The following PHACTR1 variants were observed in gnomAD, a reference collection of about 807,000 sequenced individuals.
PHACTR1 encodes RPEL repeat containing 1.
A neutral mutation model predicts 69.2 loss-of-function variants in PHACTR1; 16 were observed. The ratio of observed to expected loss-of-function variants is 0.23; its 90% CI spans 0.16 to 0.35. The LOEUF is 0.35. Among genes scored for constraint, PHACTR1 ranks in the 10% least tolerant of loss-of-function variants. PHACTR1 has a pLI of 1.00. For missense variants in PHACTR1, 510 were observed against 734.7 expected (o/e 0.69, Z 3.54); for synonymous variants, 312 against 284.5 (o/e 1.10, Z -0.97).
At chr6:12,932,732 A>G (rs1789005824) in intron 4 of PHACTR1, among the ~76,000 whole-genome samples, 2 of 152,150 alleles carry the variant, frequency 1.3e-5, no homozygotes, top group Admixed American at 6.5e-5. Flanking sequence ...GCATTATCTC[A>G]TTAATCCATA....
At chr6:12,758,821 T>C (rs1298540490) in intron 4 of PHACTR1, among the ~76,000 whole-genome samples, 1 of 151,972 alleles carries the variant, frequency 6.6e-6, no homozygotes, top group Non-Finnish European at 1.5e-5. Context: ...CCTACCCTAG[T>C]ATTAAAAAAA....
chr6:12,767,511 AT>A (rs1396542104), intron 4 of PHACTR1, among the ~76,000 whole-genome samples: 1 of 151,602 alleles, frequency 6.6e-6, no homozygotes, highest in Non-Finnish European at 1.5e-5. Context: ...TGTAGATGAA[AT>A]GGGGGTTCCA....
intron 7 of PHACTR1, among the ~76,000 whole-genome samples, chr6:13,187,596 G>A (rs74349029): frequency 0.022 from 3,340 of 152,294 alleles, 116 homozygotes; most frequent in African/African-American, 0.073. Flanking sequence ...GTGATATGAT[G>A]AAAACTAGCC....
intron 4 of PHACTR1, among the ~76,000 whole-genome samples, chr6:13,002,382 G>C (rs1354648067): frequency 1.3e-5 from 2 of 151,622 alleles, no homozygotes; most frequent in Non-Finnish European, 2.9e-5. Context: ...TTTTATTTCA[G>C]TACTCTGCAT....
intron 5 of PHACTR1, among the ~76,000 whole-genome samples, chr6:13,120,369 C>T (rs1937770): frequency 0.043 from 6,477 of 152,106 alleles, 458 homozygotes; most frequent in African/African-American, 0.15. Flanking sequence ...TGTGACATCC[C>T]AAACCCACAC....
intron 10 of PHACTR1, among the ~76,000 whole-genome samples, chr6:13,248,982 AGAG>A (rs1290540773): frequency 5.3e-5 from 8 of 152,352 alleles, no homozygotes; most frequent in African/African-American, 1.9e-4. Flanking sequence ...ATGAAGAACG[AGAG>A]GAGGAGAAGT....
intron 4 of PHACTR1, among the ~76,000 whole-genome samples, chr6:12,837,614 A>C (rs1054524632): frequency 1.3e-5 from 2 of 151,538 alleles, no homozygotes; most frequent in East Asian, 1.9e-4. Context: ...TGAGACAAAC[A>C]AACCACAAAA....
chr6:13,027,496 A>C (rs1416727358), intron 4 of PHACTR1, among the ~76,000 whole-genome samples: 1 of 152,092 alleles, frequency 6.6e-6, no homozygotes, highest in Non-Finnish European at 1.5e-5. Flanking sequence ...ACACTTCTCA[A>C]GTTAAGGGGG....
rs185946372 is a variant in PHACTR1 at position 13,167,259 on chromosome 6, A to G, written c.496+6975A>G. Among the ~76,000 whole-genome samples the G allele has an allele frequency of 6.6e-5, 10 of 152,330 alleles. No homozygotes were observed. In the East Asian group the frequency reaches 1.9e-3, roughly 29 times the overall value. ...CAAGTAATCTCTACAAATAAACATG[A>G]TGCTGTATTTGTAGAATGTTAGGGA... On this transcript the variant is annotated intron_variant, in intron 6 of 14. Transcript: ENST00000332995.
intron 4 of PHACTR1, among the ~76,000 whole-genome samples, chr6:12,783,691 C>A (rs1771117949): frequency 6.6e-6 from 1 of 152,172 alleles, no homozygotes; most frequent in African/African-American, 2.4e-5. Flanking sequence ...ATACAAAAAT[C>A]TTGGAAATTA....
chr6:12,901,643 C>A (rs1180300976), intron 4 of PHACTR1, among the ~76,000 whole-genome samples: 4 of 152,080 alleles, frequency 2.6e-5, no homozygotes, highest in African/African-American at 9.7e-5. Flanking sequence ...TACCGGCGCC[C>A]GCCACCATGC....
chr6:13,104,917 T>G (rs1392668842), intron 5 of PHACTR1, among the ~76,000 whole-genome samples: 2 of 152,236 alleles, frequency 1.3e-5, no homozygotes, highest in African/African-American at 4.8e-5. Flanking sequence ...TAAAGTTTTG[T>G]TACTAGAATA....
chr6:12,934,644 T>A (rs1282400106), intron 4 of PHACTR1, among the ~76,000 whole-genome samples: 1 of 152,124 alleles, frequency 6.6e-6, no homozygotes, highest in East Asian at 1.9e-4. Context: ...GAGACTAGCC[T>A]GGCCAATATG....
intron 5 of PHACTR1, among the ~76,000 whole-genome samples, chr6:13,107,645 A>G (rs1816384657): frequency 1.3e-5 from 2 of 152,264 alleles, no homozygotes; most frequent in South Asian, 4.1e-4. Context: ...TGTTGAGTTT[A>G]TTAACCAAAA....
chr6:12,758,108 T>C (rs140451303), intron 4 of PHACTR1, among the ~76,000 whole-genome samples: 4 of 151,156 alleles, frequency 2.6e-5, no homozygotes, highest in African/African-American at 9.7e-5. Context: ...TGAAACTCTG[T>C]CTCAAAAAAA....
chr6:13,156,559 T>G (rs1342296328), intron 5 of PHACTR1, among the ~76,000 whole-genome samples: 1 of 152,224 alleles, frequency 6.6e-6, no homozygotes, highest in African/African-American at 2.4e-5. Flanking sequence ...TGAGAAGCAC[T>G]GGTGCGTGAA....
chr6:12,939,218 C>A (rs1241844055), intron 4 of PHACTR1, among the ~76,000 whole-genome samples: 1 of 152,112 alleles, frequency 6.6e-6, no homozygotes, highest in African/African-American at 2.4e-5. Flanking sequence ...AATGGTAAAG[C>A]CTTTAATTTA....
chr6:12,784,228 A>G (rs1386649253), intron 4 of PHACTR1, among the ~76,000 whole-genome samples: 1 of 152,028 alleles, frequency 6.6e-6, no homozygotes, highest in Non-Finnish European at 1.5e-5. Flanking sequence ...ATGATGATAT[A>G]TACATATACT....
chr6:12,985,126 C>G (rs1216937895), intron 4 of PHACTR1, among the ~76,000 whole-genome samples: 3 of 152,196 alleles, frequency 2.0e-5, no homozygotes, highest in Non-Finnish European at 4.4e-5. Flanking sequence ...ATATGAGGTT[C>G]ATAGGCATCA....
Sources: gnomAD v4.1 joint callset for allele counts (sites outside exome capture counted in the v4.1 genomes callset) on GRCh38, gnomAD v4.1.1 for gene constraint, MANE v1.5 for transcripts, NCBI Gene and HGNC (gene_info 2026-07-23, HGNC 2026-07-21) for gene names.